The following ANKS1B variants were observed in gnomAD, a reference collection of about 807,000 sequenced individuals.
ANKS1B encodes the protein ankyrin repeat and sterile alpha motif domain-containing protein 1B.
ANKS1B carries 36 observed loss-of-function variants against 148.3 expected under a neutral mutation model. The observed-to-expected ratio is 0.24, with a 90% CI of 0.19 to 0.32. The LOEUF (loss-of-function observed/expected upper bound fraction) is 0.32. ANKS1B is among the 10% of genes least tolerant of loss of function. ANKS1B has a pLI of 1.00. For synonymous variants in ANKS1B, 542 were observed against 560.8 expected (o/e 0.97, Z 0.47); for missense variants, 1,157 against 1,542.6 (o/e 0.75, Z 4.19).
chr12:99,062,950 C>T (rs752519004), intron 16 of ANKS1B, among the ~76,000 whole-genome samples: 4 of 152,092 alleles, frequency 2.6e-5, no homozygotes, highest in Non-Finnish European at 5.9e-5. Context: ...TGTTTGGAAG[C>T]TACATGGTTT....
intron 1 of ANKS1B, among the ~76,000 whole-genome samples, chr12:99,918,797 T>C (rs1262604900): frequency 1.3e-5 from 2 of 152,236 alleles, no homozygotes; most frequent in African/African-American, 4.8e-5. Flanking sequence ...CAGGTTTCAA[T>C]GTAATCAGAC....
intron 11 of ANKS1B, among the ~76,000 whole-genome samples, chr12:99,434,403 A>G (rs893366004): frequency 1.3e-5 from 2 of 152,114 alleles, no homozygotes; most frequent in African/African-American, 2.4e-5. Context: ...AGACCAATAC[A>G]TATATATCTA....
At chr12:99,456,643 T>A (rs938494506) in intron 10 of ANKS1B, among the ~76,000 whole-genome samples, 6 of 152,018 alleles carry the variant, frequency 3.9e-5, no homozygotes, top group Non-Finnish European at 8.8e-5. Flanking sequence ...AGTCTCACAA[T>A]AGAATCAAAC....
chr12:98,995,080 A>G (rs1412589821), intron 17 of ANKS1B, among the ~76,000 whole-genome samples: 1 of 152,226 alleles, frequency 6.6e-6, no homozygotes, highest in East Asian at 1.9e-4. Context: ...GTCTCAGCAC[A>G]TGTGGTTTGT....
intron 17 of ANKS1B, among the ~76,000 whole-genome samples, chr12:98,960,051 G>T (rs1403554518): frequency 6.6e-6 from 1 of 152,214 alleles, no homozygotes; most frequent in Admixed American, 6.5e-5. Flanking sequence ...AGGGTTTGGG[G>T]AATTCACTGC....
intron 26 of ANKS1B, 111 bp from the exon 27 acceptor site, chr12:98,745,960 G>A (rs2097877006): frequency 1.7e-6 from 2 of 1,188,420 alleles, no homozygotes; most frequent in South Asian, 3.3e-5. Context: ...GGCGCGGGGC[G>A]GCGATGCTGG....
chr12:99,329,252 G>A (rs915570646), intron 12 of ANKS1B, among the ~76,000 whole-genome samples: 7 of 151,872 alleles, frequency 4.6e-5, no homozygotes, highest in Non-Finnish European at 1.0e-4. Context: ...TATGTTGTCA[G>A]AATTCTTCTT....
At chr12:99,445,115 T>C (rs2095615420) in intron 10 of ANKS1B, among the ~76,000 whole-genome samples, 1 of 152,042 alleles carries the variant, frequency 6.6e-6, no homozygotes, top group Admixed American at 6.6e-5. Flanking sequence ...GGGATTTGAA[T>C]TGGCATCACA....
chr12:99,288,574 A>C (rs2079462376), intron 12 of ANKS1B, among the ~76,000 whole-genome samples: 1 of 152,198 alleles, frequency 6.6e-6, no homozygotes, highest in African/African-American at 2.4e-5. Flanking sequence ...TAGGAAGACT[A>C]AAAGATGAAC....
At chr12:99,394,356 C>T (rs1454863984) in intron 12 of ANKS1B, among the ~76,000 whole-genome samples, 1 of 152,080 alleles carries the variant, frequency 6.6e-6, no homozygotes, top group Non-Finnish European at 1.5e-5. Context: ...TAATAGAATT[C>T]ATCATCCCCT....
rs569822642 is a variant in ANKS1B, at chr12:98,795,570, T to C, written c.3342+3364A>G. The C allele has an allele frequency of 4.1e-5, 18 of 434,578 alleles. No homozygotes were observed. The East Asian group carries it at 9.8e-4, about 24-fold the overall frequency. The allele number at this position is 434,578 out of a possible 1,614,324, so 26.9% of individuals were successfully genotyped here. On this transcript the variant is annotated intron_variant, in intron 22 of 26. Coordinates refer to ENST00000683438, the MANE Select transcript of ANKS1B (RefSeq NM_001352186.2). ...GAATCCCAGTGCCTTTTAAAAGTTA[T>C]TATGTGGTTTTCTTTTAAAAAGCTC...
In ANKS1B at chr12:99,865,837, G is replaced by A. The variant is rs551466599; in HGVS notation, c.135-40448C>T. Among the ~76,000 whole-genome samples, 7 of 152,090 alleles carry A rather than the reference G, an allele frequency of 4.6e-5. No homozygotes were observed. In the East Asian group the frequency reaches 1.4e-3, roughly 29 times the overall value. On this transcript the variant is annotated intron_variant, in intron 1 of 26. Transcript: ENST00000683438. ...ACATTTGTGGAGATTTGGCTATCTA[G>A]AATCCATTTCTTCCTTCTTTGGGCA... is the stretch of plus-strand genomic sequence containing the variant.
intron 12 of ANKS1B, among the ~76,000 whole-genome samples, chr12:99,367,842 C>A (rs148994980): frequency 2.0e-5 from 3 of 151,582 alleles, no homozygotes; most frequent in African/African-American, 7.3e-5. Flanking sequence ...GATAACATAG[C>A]GGATGAATGG....
chr12:99,095,740 T>A (rs1209514413), intron 15 of ANKS1B, among the ~76,000 whole-genome samples: 2 of 152,170 alleles, frequency 1.3e-5, no homozygotes, highest in Non-Finnish European at 2.9e-5. Flanking sequence ...AGGGGTATGA[T>A]AACATAAAGA....
chr12:98,818,401 G>A (rs1433055704), intron 19 of ANKS1B, among the ~76,000 whole-genome samples: 2 of 152,070 alleles, frequency 1.3e-5, no homozygotes, highest in African/African-American at 4.8e-5. Context: ...TTACACAATT[G>A]TTTATGAAAT....
chr12:99,031,305 T>G lies in ANKS1B; in HGVS notation c.2778+21852A>C, dbSNP rs140972501. 3.4e-3 allele frequency among the ~76,000 whole-genome samples: 525 copies of G among 152,338 alleles called. 4 individuals are homozygous for G. Among genetic ancestry groups the G allele is most frequent in the African/African-American group, 0.011 (466 of 41,578 alleles). On this transcript the variant is annotated intron_variant, in intron 17 of 26. Coordinates refer to ENST00000683438, the MANE Select transcript of ANKS1B (RefSeq NM_001352186.2). ...CAGGTTTGTGGATTTGTCATTTAAT[T>G]GCATATTATTGATAAATAGTATTAA...
rs1033165947 is a variant in ANKS1B at position 99,924,212 on chromosome 12, C to T, written c.134+59892G>A. Among the ~76,000 whole-genome samples, 3 of 152,000 alleles carry T rather than the reference C, an allele frequency of 2.0e-5. No individual in the cohort carries two copies. The East Asian group carries it at 5.8e-4, about 29-fold the overall frequency. ...GATGGTGGTGGGCCTTTTACAGAGA[C>T]AGTGAATACAGGAAGAGCAAAAGAC... On this transcript the variant is annotated intron_variant, in intron 1 of 26. Transcript: ENST00000683438.
chr12:99,151,330 C>T (rs2074836206), intron 15 of ANKS1B, among the ~76,000 whole-genome samples: 1 of 152,072 alleles, frequency 6.6e-6, no homozygotes, highest in South Asian at 2.1e-4. Flanking sequence ...GAGTTCTAGA[C>T]CAGCCTGGTC....
chr12:99,154,912 G>A lies in ANKS1B; in HGVS notation c.2420-517C>T, dbSNP rs146180158. On this transcript the variant is annotated intron_variant, in intron 14 of 26. Transcript: ENST00000683438. ...ATTTTCAATAATAGCCATCAGATAA[G>A]GCAGATTTTTTTTGTCTGCAAGCTG... 884 of 1,535,336 alleles carry A rather than the reference G, an allele frequency of 5.8e-4. 4 individuals are homozygous for A. The African/African-American group carries it at 0.01, about 18-fold the overall frequency.
Sources: allele counts gnomAD v4.1 joint callset (sites outside exome capture counted in the v4.1 genomes callset), GRCh38; gene constraint gnomAD v4.1.1; transcripts MANE v1.5; gene names NCBI Gene and HGNC (gene_info 2026-07-23, HGNC 2026-07-21).